ABLIM3: variants seen among roughly 807,000 people sequenced by gnomAD.
ABLIM3 encodes the protein actin-binding LIM protein 3.
In ABLIM3, 61 loss-of-function variants were observed where a neutral mutation model predicts 109.5. The observed-to-expected ratio is 0.56, with a 90% CI of 0.45 to 0.69. The LOEUF is 0.69. Among genes scored for constraint, ABLIM3 ranks in the 30% least tolerant of loss-of-function variants. ABLIM3 has a pLI of 0.00. For missense variants in ABLIM3, 796 were observed against 889.5 expected (o/e 0.89, Z 1.34); for synonymous variants, 300 against 324.8 (o/e 0.92, Z 0.82).
In ABLIM3 at chr5:149,232,242, G is replaced by A. The variant is rs949490303; in HGVS notation, c.817-987G>A. Among the ~76,000 whole-genome samples the A allele has an allele frequency of 7.2e-5, 11 of 152,180 alleles. 1 individual carries two copies. Among genetic ancestry groups the A allele is most frequent in the Non-Finnish European group, 4.4e-5 (3 of 68,030 alleles). ...AATCACTTGAAAATGAGAGGCAGAG[G>A]TTGCAGTGAGTCAAAATTGTGCCTC... is the stretch of plus-strand genomic sequence containing the variant. On this transcript the variant is annotated intron_variant, in intron 9 of 23. Transcript: ENST00000309868.
At chr5:149,217,087 C>G (rs1222577314) in intron 8 of ABLIM3, 41 bp downstream of exon 8, 3 of 1,558,332 alleles carry the variant, frequency 1.9e-6, no homozygotes, top group Non-Finnish European at 2.7e-6. Context: ...CCGACCTGCT[C>G]ATGACTGGAA....
chr5:149,196,447 C>T (rs150360936), intron 3 of ABLIM3, among the ~76,000 whole-genome samples: 66 of 152,320 alleles, frequency 4.3e-4, no homozygotes, highest in African/African-American at 1.6e-3. Context: ...CTTGTACTAA[C>T]CAACTCCTCA....
chr5:149,249,947 T>C, intron 19 of ABLIM3, 103 bp downstream of exon 19: 1 of 1,382,452 alleles, frequency 7.2e-7, no homozygotes, highest in Non-Finnish European at 1.0e-6. Context: ...AATGTGGATG[T>C]CCCAGCCCAC....
intron 2 of ABLIM3, among the ~76,000 whole-genome samples, chr5:149,166,649 G>A (rs1270635294): frequency 6.6e-6 from 1 of 152,150 alleles, no homozygotes; most frequent in Non-Finnish European, 1.5e-5. Context: ...TAGAGACAAA[G>A]AGTACATTTA....
intron 2 of ABLIM3, among the ~76,000 whole-genome samples, chr5:149,154,113 C>T (rs1753672351): frequency 6.6e-6 from 1 of 152,218 alleles, no homozygotes; most frequent in Non-Finnish European, 1.5e-5. Flanking sequence ...CTATTTTAAG[C>T]ACCTGAAGCA....
At chr5:149,159,455 G>A (rs1016137148) in intron 2 of ABLIM3, among the ~76,000 whole-genome samples, 1 of 152,202 alleles carries the variant, frequency 6.6e-6, no homozygotes, top group African/African-American at 2.4e-5. Flanking sequence ...ACTGTTGTGG[G>A]CTATACATTT....
At chr5:149,225,980 GTGTATATATATATATATA>G (rs1561607745) in intron 8 of ABLIM3, among the ~76,000 whole-genome samples, 1 of 21,918 alleles carries the variant, frequency 4.6e-5, no homozygotes, top group African/African-American at 2.8e-4. Flanking sequence ...GTGTGTGTGT[GTGTATATATATATATATA>G]TATATATATA....
At chr5:149,206,891 T>G (rs79560209) in intron 5 of ABLIM3, 117 bp from the exon 6 acceptor site, 6 of 1,107,260 alleles carry the variant, frequency 5.4e-6, no homozygotes, top group Non-Finnish European at 3.8e-6. Flanking sequence ...CAGTGTCAGG[T>G]GGGAGCAACT....
chr5:149,227,046 G>A (rs1449065365), intron 8 of ABLIM3, among the ~76,000 whole-genome samples: 2 of 146,054 alleles, frequency 1.4e-5, no homozygotes, highest in Non-Finnish European at 3.0e-5. Flanking sequence ...CTCCAGCCTG[G>A]GCAATAAGAG....
rs1754670822 is a variant in ABLIM3, at chr5:149,258,790, C to T, written c.*386C>T. 16 of 994,128 alleles carry T rather than the reference C, an allele frequency of 1.6e-5. No homozygotes were observed. The highest frequency in any genetic ancestry group is 1.9e-5 in the Non-Finnish European group (16 of 835,900). 61.6% of individuals were successfully genotyped at this position (994,128 alleles called of 1,614,324 possible). ...AGGGCTGATGCTGACCATGTGGTTT[C>T]CACACCTTATTGGCCCCAGAGGGGC... On this transcript the variant is annotated 3_prime_UTR_variant, in exon 24 of 24. Transcript: ENST00000309868.
intron 2 of ABLIM3, among the ~76,000 whole-genome samples, chr5:149,147,178 T>G (rs1331006410): frequency 1.3e-5 from 2 of 152,080 alleles, no homozygotes; most frequent in African/African-American, 4.8e-5. Flanking sequence ...GATTTGGCTC[T>G]CAGCTTCAGT....
intron 23 of ABLIM3, among the ~76,000 whole-genome samples, chr5:149,255,074 A>T (rs867099258): frequency 6.6e-6 from 1 of 152,228 alleles, no homozygotes. Flanking sequence ...ATATTTATTG[A>T]ATCATCCTCA....
At chr5:149,183,151 T>G (rs1756609025) in intron 2 of ABLIM3, among the ~76,000 whole-genome samples, 1 of 152,218 alleles carries the variant, frequency 6.6e-6, no homozygotes, top group African/African-American at 2.4e-5. Context: ...TTTGATCACT[T>G]ACTTTGAAAT....
chr5:149,207,141 C>T lies in ABLIM3; in HGVS notation c.575+7C>T, dbSNP rs756860501. On this transcript the variant is annotated splice_region_variant and intron_variant, in intron 6 of 23. Coordinates refer to ENST00000309868, the MANE Select transcript of ABLIM3 (RefSeq NM_014945.5). ...CCGGGGAGTATATCAGCAAGTGGGT[C>T]CCCCTGCTCCTGCCCCAGCTGCCTG... The T allele has an allele frequency of 8.7e-6, 14 of 1,611,632 alleles. No individual in the cohort carries two copies. Among genetic ancestry groups the T allele is most frequent in the Non-Finnish European group, 1.2e-5 (14 of 1,178,586 alleles).
intron 2 of ABLIM3, among the ~76,000 whole-genome samples, chr5:149,143,013 A>G (rs767371300): frequency 2.0e-5 from 3 of 152,074 alleles, no homozygotes; most frequent in Non-Finnish European, 4.4e-5. Flanking sequence ...CTTTGTTATC[A>G]GTCCCCTCTC....
intron 10 of ABLIM3, among the ~76,000 whole-genome samples, chr5:149,236,875 A>G (rs1042452850): frequency 2.0e-5 from 3 of 152,230 alleles, no homozygotes; most frequent in African/African-American, 7.2e-5. Context: ...AGTTGTATGG[A>G]TGAACTGGGT....
At chr5:149,240,536 A>C in intron 13 of ABLIM3, 140 bp from the exon 14 acceptor site, 2 of 681,024 alleles carry the variant, frequency 2.9e-6, no homozygotes, top group Non-Finnish European at 5.2e-6. Context: ...TCCGCCCCGG[A>C]ACCTGAGCAC....
At chr5:149,224,528 G>A (rs1581171834) in intron 8 of ABLIM3, among the ~76,000 whole-genome samples, 1 of 152,186 alleles carries the variant, frequency 6.6e-6, no homozygotes, top group Admixed American at 6.5e-5. Flanking sequence ...ACCAAGCCAG[G>A]CTTCTGTTCA....
chr5:149,163,441 G>T (rs1367320653), intron 2 of ABLIM3, among the ~76,000 whole-genome samples: 1 of 152,062 alleles, frequency 6.6e-6, no homozygotes. Context: ...CCACACACGG[G>T]GTGGCTTAAA....
Sources: allele counts gnomAD v4.1 joint callset (sites outside exome capture counted in the v4.1 genomes callset), GRCh38; gene constraint gnomAD v4.1.1; transcripts MANE v1.5; gene names NCBI Gene and HGNC (gene_info 2026-07-23, HGNC 2026-07-21).